Variants in OLIG2 observed in about 807,000 individuals in gnomAD.
The protein encoded by OLIG2 is oligodendrocyte transcription factor 2.
OLIG2 carries 12 observed loss-of-function variants against 13.4 expected under a neutral mutation model. The observed-to-expected ratio is 0.90, with a 90% CI of 0.58 to 1.46. The LOEUF (loss-of-function observed/expected upper bound fraction) is 1.46, where lower values mean the gene tolerates loss of function less well. Ranked by LOEUF, OLIG2 falls within the 40% of genes most tolerant of loss-of-function variation. The probability of loss-of-function intolerance (pLI) is 0.00; values close to 1 mark genes in which losing one functional copy is unlikely to be tolerated. For synonymous variants in OLIG2, 250 were observed against 233.6 expected (o/e 1.07, Z -0.64); for missense variants, 415 against 487.9 (o/e 0.85, Z 1.41).
chr21:33,027,048 G>C lies in OLIG2; in HGVS notation c.186G>C (p.Ala62=). 3.1e-6 allele frequency: 5 copies of C among 1,611,720 alleles called. No individual in the cohort carries two copies. Among genetic ancestry groups the C allele is most frequent in the Non-Finnish European group, 4.2e-6 (5 of 1,179,062 alleles). ...SAELRGAMGS[A]GAHPGDKLGG... Reference sequence around the variant, plus strand: ...AGCTGCGCGGCGCTATGGGCTCTGCGGGCGCGCATCCTGGGGACAAGCTAG... The same window carrying C: ...AGCTGCGCGGCGCTATGGGCTCTGCCGGCGCGCATCCTGGGGACAAGCTAG... Residue 62 remains alanine (A), a synonymous_variant, in exon 2 of 2, where the codon GCG becomes GCC. Coordinates refer to ENST00000382357, the MANE Select transcript of OLIG2 (RefSeq NM_005806.4).
Position 33,029,163 on chromosome 21 carries a change from G to A in OLIG2, c.*1329G>A, listed in dbSNP as rs1981225416. 4.9e-6 allele frequency: 1 copy of A among 202,976 alleles called. No individual in the cohort carries two copies. 12.6% of individuals were successfully genotyped at this position (202,976 alleles called of 1,614,324 possible). A position where few individuals can be genotyped will look rare whatever the true frequency, so the allele number is the denominator to read the frequency against. ...GGTTGCAAAAACGGAATAAATGACT[G>A]AGTGTTGAGATTTTAAATAAAATTT... is the stretch of plus-strand genomic sequence containing the variant. On this transcript the variant is annotated 3_prime_UTR_variant, in exon 2 of 2. Coordinates refer to ENST00000382357, the MANE Select transcript of OLIG2 (RefSeq NM_005806.4).
At position 33,028,903 on chromosome 21, in the gene OLIG2, G is replaced by GC. The variant is rs1439140599; in HGVS notation, c.*1071dup. 1 of 241,834 alleles carries GC rather than the reference G, an allele frequency of 4.1e-6. No individual in the cohort carries two copies. The highest frequency in any genetic ancestry group is 8.8e-6 in the Non-Finnish European group (1 of 114,206). 15.0% of individuals were successfully genotyped at this position (241,834 alleles called of 1,614,324 possible). ...GACTGCCAGCCCCATCGGAGTCTAA[G>GC]CCGGCTTTCCTCTATTTTGGTTTAT... On this transcript the variant is annotated 3_prime_UTR_variant, in exon 2 of 2. Coordinates refer to ENST00000382357, the MANE Select transcript of OLIG2 (RefSeq NM_005806.4).
rs1292029039 is a variant in OLIG2 at position 33,029,159 on chromosome 21, G to T, written c.*1325G>T. Reference sequence around the variant, plus strand: ...GTTTGGTTGCAAAAACGGAATAAATGACTGAGTGTTGAGATTTTAAATAAA... The same window carrying T: ...GTTTGGTTGCAAAAACGGAATAAATTACTGAGTGTTGAGATTTTAAATAAA... On this transcript the variant is annotated 3_prime_UTR_variant, in exon 2 of 2. Transcript: ENST00000382357. The T allele has an allele frequency of 4.9e-6, 1 of 204,080 alleles. No homozygotes were observed. The highest frequency in any genetic ancestry group is 1.1e-5 in the Non-Finnish European group (1 of 90,148). The allele number at this position is 204,080 out of a possible 1,614,324, so 12.6% of individuals were successfully genotyped here.
chr21:33,027,410 G>A lies in OLIG2; in HGVS notation c.548G>A (p.Gly183Asp). ...GAGATCTACGGGGGCCACCACGCTG[G>A]CTTCCACCCGTCGGCCTGCGGCGGC... ...VSEIYGGHHA[G>D]FHPSACGGLA... The change falls in exon 2 of 2, where the codon GGC (glycine) becomes GAC (aspartate). Residue 183 changes from glycine (G) to aspartate (D), a missense_variant. Coordinates refer to ENST00000382357, the MANE Select transcript of OLIG2 (RefSeq NM_005806.4). The A allele has an allele frequency of 6.5e-7, 1 of 1,545,534 alleles. No individual in the cohort carries two copies. Among genetic ancestry groups the A allele is most frequent in the Non-Finnish European group, 8.7e-7 (1 of 1,146,396 alleles).
Position 33,027,681 on chromosome 21 carries a change from G to T in OLIG2, c.819G>T (p.Gly273=), listed in dbSNP as rs770317757. ...SPSAAAAAPL[G]GGGGGSGASG... ...CTGCTGCCGCGGCCGCCCCGCTGGG[G>T]GGCGGGGGCGGCGGCAGTGGGGCGA... The change falls in exon 2 of 2, where the codon GGG becomes GGT. Residue 273 remains glycine (G), a synonymous_variant. Coordinates refer to ENST00000382357, the MANE Select transcript of OLIG2 (RefSeq NM_005806.4). 3 of 1,372,746 alleles carry T rather than the reference G, an allele frequency of 2.2e-6. No homozygotes were observed. Among genetic ancestry groups the T allele is most frequent in the South Asian group, 3.4e-5 (2 of 59,472 alleles). 85.0% of individuals were successfully genotyped at this position (1,372,746 alleles called of 1,614,324 possible).
chr21:33,027,684 C>CG lies in OLIG2; in HGVS notation c.827dup (p.Gly277ArgfsTer163). 1 of 1,369,812 alleles carries CG rather than the reference C, an allele frequency of 7.3e-7. No homozygotes were observed. The allele number at this position is 1,369,812 out of a possible 1,614,324, so 84.9% of individuals were successfully genotyped here. On this transcript the variant is annotated frameshift_variant, in exon 2 of 2. Transcript: ENST00000382357. LOFTEE classifies it high-confidence loss of function. ...CTGCCGCGGCCGCCCCGCTGGGGGG[C>CG]GGGGGCGGCGGCAGTGGGGCGAGCG...
chr21:33,027,440 C>T lies in OLIG2; in HGVS notation c.578C>T (p.Ala193Val), dbSNP rs1378006472. 1 of 1,532,722 alleles carries T rather than the reference C, an allele frequency of 6.5e-7. No individual in the cohort carries two copies. Among genetic ancestry groups the T allele is most frequent in the Non-Finnish European group, 8.7e-7 (1 of 1,143,292 alleles). The allele number at this position is 1,532,722 out of a possible 1,614,324, so 94.9% of individuals were successfully genotyped here. A position where few individuals can be genotyped will look rare whatever the true frequency, so the allele number is the denominator to read the frequency against. ...CACCCGTCGGCCTGCGGCGGCCTGG[C>T]GCACTCCGCGCCCCTGCCCGCCGCC... ...GFHPSACGGL[A>V]HSAPLPAATA... Residue 193 changes from alanine to valine, a missense_variant, in exon 2 of 2, where the codon GCG becomes GTG. Physicochemically the swap from Ala to Val is moderately conservative, Grantham distance 64. Around this residue, in one of 3 missense-constraint regions of OLIG2, gnomAD observed 243 missense variants for 241.2 expected, o/e 1.01. Coordinates refer to ENST00000382357, the MANE Select transcript of OLIG2 (RefSeq NM_005806.4).
Position 33,027,686 on chromosome 21 carries a change from G to A in OLIG2, c.824G>A (p.Gly275Glu). 1 of 1,372,100 alleles carries A rather than the reference G, an allele frequency of 7.3e-7. No individual in the cohort carries two copies. Among genetic ancestry groups the A allele is most frequent in the South Asian group, 1.7e-5 (1 of 59,300 alleles). The allele number at this position is 1,372,100 out of a possible 1,614,324, so 85.0% of individuals were successfully genotyped here. The change falls in exon 2 of 2, where the codon GGG becomes GAG. Residue 275 changes from glycine (G) to glutamate (E), a missense_variant. Physicochemically the swap from Gly to Glu is moderately conservative, Grantham distance 98 (BLOSUM62 -2). Transcript: ENST00000382357. ...GCCGCGGCCGCCCCGCTGGGGGGCG[G>A]GGGCGGCGGCAGTGGGGCGAGCGGG... ...SAAAAAPLGG[G>E]GGGSGASGGF... is the part of the protein sequence containing the mutation.
chr21:33,028,344 C>A lies in OLIG2; in HGVS notation c.*510C>A, dbSNP rs1981189871. 2.5e-5 allele frequency: 6 copies of A among 242,976 alleles called. No individual in the cohort carries two copies. In the East Asian group the frequency reaches 3.7e-4, roughly 15 times the overall value. 15.1% of individuals were successfully genotyped at this position (242,976 alleles called of 1,614,324 possible). On this transcript the variant is annotated 3_prime_UTR_variant, in exon 2 of 2. Coordinates refer to ENST00000382357, the MANE Select transcript of OLIG2 (RefSeq NM_005806.4). ...GTAGCCGCACTGCAGAAGCAACAGCCCGACCGCGCCCTCCAGGGTCGTCCC... is the reference window on the plus strand; with the variant it reads ...GTAGCCGCACTGCAGAAGCAACAGCACGACCGCGCCCTCCAGGGTCGTCCC...
Position 33,026,853 on chromosome 21 carries a change from C to T in OLIG2, c.-10C>T, listed in dbSNP as rs763731742. The T allele has an allele frequency of 6.2e-7, 1 of 1,607,970 alleles. No individual in the cohort carries two copies. The highest frequency in any genetic ancestry group is 2.2e-5 in the East Asian group (1 of 44,862). On this transcript the variant is annotated 5_prime_UTR_variant, in exon 2 of 2. Coordinates refer to ENST00000382357, the MANE Select transcript of OLIG2 (RefSeq NM_005806.4). The surrounding 1 kb of genome is among the most constrained non-coding windows in gnomAD (Gnocchi z 6.6). ...TGCGAAAGCTGCGACGACTATCTTC[C>T]CCTGGGGCCATGGACTCGGACGCCA...
Position 33,026,770 on chromosome 21 carries a change from T to C in OLIG2, c.-62-31T>C. The C allele has an allele frequency of 7.1e-7, 1 of 1,413,396 alleles. No homozygotes were observed. The highest frequency in any genetic ancestry group is 9.6e-7 in the Non-Finnish European group (1 of 1,039,978). 87.6% of individuals were successfully genotyped at this position (1,413,396 alleles called of 1,614,324 possible). ...TCTCTCTCCCTCTCTCTCTCTCTCA[T>C]TCTCTCTCTTTTCTCCTCCTCTCCT... On this transcript the variant is annotated intron_variant, in intron 1 of 1. Coordinates refer to ENST00000382357, the MANE Select transcript of OLIG2 (RefSeq NM_005806.4). This position sits in a 1 kb window ranked among gnomAD's most constrained non-coding sequence, Gnocchi z 6.6.
In OLIG2 at chr21:33,027,315, G is replaced by A. The variant is rs373970719; in HGVS notation, c.453G>A (p.Thr151=). The change falls in exon 2 of 2, where the codon ACG becomes ACA. Residue 151 remains threonine, a synonymous_variant. Coordinates refer to ENST00000382357, the MANE Select transcript of OLIG2 (RefSeq NM_005806.4). ...TGCGCAAGCTTTCCAAGATCGCCAC[G>A]CTGCTGCTGGCGCGCAACTACATCC... ...PSVRKLSKIA[T]LLLARNYILM... is the part of the protein sequence containing the mutation. 110 of 1,594,500 alleles carry A rather than the reference G, an allele frequency of 6.9e-5. No homozygotes were observed. Among genetic ancestry groups the A allele is most frequent in the Non-Finnish European group, 9.0e-5 (105 of 1,170,836 alleles).
In OLIG2 at chr21:33,026,640, G is replaced by A; in HGVS notation, c.-62-161G>A. ...GCTAAAAGGAGGGCCAGAGATAGTA[G>A]CGAGGGGGACGAGGAGCCACGGGCC... is the stretch of plus-strand genomic sequence containing the variant. On this transcript the variant is annotated intron_variant, in intron 1 of 1. Coordinates refer to ENST00000382357, the MANE Select transcript of OLIG2 (RefSeq NM_005806.4). This position sits in a 1 kb window ranked among gnomAD's most constrained non-coding sequence, Gnocchi z 6.6. The A allele has an allele frequency of 1.7e-6, 1 of 597,698 alleles. No individual in the cohort carries two copies. Among genetic ancestry groups the A allele is most frequent in the Non-Finnish European group, 3.0e-6 (1 of 338,372 alleles). 37.0% of individuals were successfully genotyped at this position (597,698 alleles called of 1,614,324 possible).
Position 33,026,861 on chromosome 21 carries a change from C to T in OLIG2, c.-2C>T. Reference sequence around the variant, plus strand: ...CTGCGACGACTATCTTCCCCTGGGGCCATGGACTCGGACGCCAGCCTGGTG... The same window carrying T: ...CTGCGACGACTATCTTCCCCTGGGGTCATGGACTCGGACGCCAGCCTGGTG... On this transcript the variant is annotated 5_prime_UTR_variant, in exon 2 of 2. Transcript: ENST00000382357. The surrounding 1 kb of genome is among the most constrained non-coding windows in gnomAD (Gnocchi z 6.6). 1 of 1,608,842 alleles carries T rather than the reference C, an allele frequency of 6.2e-7. No homozygotes were observed. The highest frequency in any genetic ancestry group is 8.5e-7 in the Non-Finnish European group (1 of 1,179,860).
Position 33,026,566 on chromosome 21 carries a change from G to A in OLIG2, c.-62-235G>A. 2.4e-6 allele frequency: 1 copy of A among 425,446 alleles called. No homozygotes were observed. The highest frequency in any genetic ancestry group is 6.4e-4 in the Middle Eastern group (1 of 1,570). 26.4% of individuals were successfully genotyped at this position (425,446 alleles called of 1,614,324 possible). ...CGCTCCCTGAAATAACCTGTTGCAT[G>A]AGAGCAGAGGGGAGATAGAGAGAGC... On this transcript the variant is annotated intron_variant, in intron 1 of 1. Transcript: ENST00000382357. This position sits in a 1 kb window ranked among gnomAD's most constrained non-coding sequence, Gnocchi z 6.6.
rs1160208451 is a variant in OLIG2, at chr21:33,026,967, T to A, written c.105T>A (p.Thr35=). ...RSKGSSGSAF[T]GGTVSSSTPS... is the part of the protein sequence containing the mutation. ...AGGGCAGCAGCGGCAGCGCCTTCAC[T>A]GGGGGCACCGTGTCCTCGTCCACCC... The change falls in exon 2 of 2, where the codon ACT becomes ACA. Residue 35 remains threonine, a synonymous_variant. Coordinates refer to ENST00000382357, the MANE Select transcript of OLIG2 (RefSeq NM_005806.4). The surrounding 1 kb of genome is among the most constrained non-coding windows in gnomAD (Gnocchi z 6.6). The A allele has an allele frequency of 3.7e-6, 6 of 1,612,244 alleles. No homozygotes were observed. The highest frequency in any genetic ancestry group is 4.2e-6 in the Non-Finnish European group (5 of 1,179,722).
In OLIG2 at chr21:33,028,253, T is replaced by C; in HGVS notation, c.*419T>C. ...AGCACTTCGGGGGGGGAGGGGGTGT[T>C]ATGGGAGGGGGACACATTGGGGCCT... On this transcript the variant is annotated 3_prime_UTR_variant, in exon 2 of 2. Transcript: ENST00000382357. 1 of 244,602 alleles carries C rather than the reference T, an allele frequency of 4.1e-6. No individual in the cohort carries two copies. Among genetic ancestry groups the C allele is most frequent in the Non-Finnish European group, 8.4e-6 (1 of 118,736 alleles). The allele number at this position is 244,602 out of a possible 1,614,324, so 15.2% of individuals were successfully genotyped here.
chr21:33,027,406 G>T lies in OLIG2; in HGVS notation c.544G>T (p.Ala182Ser). 6.5e-7 allele frequency: 1 copy of T among 1,546,652 alleles called. No homozygotes were observed. The change falls in exon 2 of 2, where the codon GCT becomes TCT. Residue 182 changes from alanine to serine, a missense_variant. Physicochemically the swap from Ala to Ser is moderately conservative, Grantham distance 99. Coordinates refer to ENST00000382357, the MANE Select transcript of OLIG2 (RefSeq NM_005806.4). ...GAGCGAGATCTACGGGGGCCACCAC[G>T]CTGGCTTCCACCCGTCGGCCTGCGG... ...LVSEIYGGHH[A>S]GFHPSACGGL...
chr21:33,026,508 C>A lies in OLIG2; in HGVS notation c.-62-293C>A, dbSNP rs76079786. The A allele has an allele frequency of 7.1e-3, 2,122 of 297,612 alleles. 47 individuals carry two copies. Among genetic ancestry groups the A allele is most frequent in the African/African-American group, 0.043 (1,963 of 45,272 alleles). 18.4% of individuals were successfully genotyped at this position (297,612 alleles called of 1,614,324 possible). On this transcript the variant is annotated intron_variant, in intron 1 of 1. Coordinates refer to ENST00000382357, the MANE Select transcript of OLIG2 (RefSeq NM_005806.4). The surrounding 1 kb of genome is among the most constrained non-coding windows in gnomAD (Gnocchi z 6.6). ...ACACCTAACTGAAAGCCCGAAGCCT[C>A]TAGAATGCCACCCGCACCCCGAGGG... is the stretch of plus-strand genomic sequence containing the variant.
Sources: allele counts gnomAD v4.1 joint callset, GRCh38; gene constraint gnomAD v4.1.1; regional missense constraint gnomAD v4.1.1; non-coding constraint Gnocchi (gnomAD v3.1); transcripts MANE v1.5; gene names NCBI Gene and HGNC (gene_info 2026-07-23, HGNC 2026-07-21).